The following PCLO variants were observed in gnomAD, a reference collection of about 807,000 sequenced individuals.
The protein encoded by PCLO is piccolo presynaptic cytomatrix protein.
In PCLO, 82 loss-of-function variants were observed where a neutral mutation model predicts 427.5. The observed-to-expected ratio is 0.19, with a 90% CI of 0.16 to 0.23. The LOEUF is 0.23. Ranked by LOEUF, PCLO falls within the 10% of genes least tolerant of loss-of-function variation. PCLO has a pLI of 1.00. For missense variants in PCLO, 6,239 were observed against 6,115.9 expected, an observed-to-expected ratio of 1.02 and a Z score of -0.67; for synonymous variants, 2,357 against 2,155.4, an observed-to-expected ratio of 1.09 and a Z score of -2.59.
chr7:82,822,774 C>A, intron 19 of PCLO, 85 bp from the exon 20 acceptor site: 1 of 1,115,370 alleles, frequency 9.0e-7, no homozygotes, highest in South Asian at 1.3e-5. Context: ...TTGAAACTGC[C>A]TAAAATTTAT....
chr7:82,869,005 A>T (rs970841119), intron 10 of PCLO, among the ~76,000 whole-genome samples: 1 of 152,126 alleles, frequency 6.6e-6, no homozygotes, highest in Non-Finnish European at 1.5e-5. Context: ...TGAAGTTTTA[A>T]AAGTATCACG....
intron 10 of PCLO, among the ~76,000 whole-genome samples, chr7:82,869,221 T>A (rs1318326590): frequency 6.6e-6 from 1 of 152,132 alleles, no homozygotes; most frequent in Non-Finnish European, 1.5e-5. Context: ...GATATAATAT[T>A]GGCATAAATT....
intron 3 of PCLO, among the ~76,000 whole-genome samples, chr7:83,082,342 C>A (rs891395567): frequency 6.6e-6 from 1 of 151,246 alleles, no homozygotes; most frequent in Non-Finnish European, 1.5e-5. Flanking sequence ...AAATGGATAA[C>A]CATAGATGAG....
rs751094351 is a variant in PCLO at position 82,956,228 on chromosome 7, A to G, written c.4725T>C (p.Asp1575=). ...CTTTGAGCTGGTTTCTGATGAACTC[A>G]TCATCTTCAGAACCTGAAGCATCTT... is the stretch of plus-strand genomic sequence containing the variant. The part of the protein sequence containing the change: ...ADEDASGSED[D]EFIRNQLKEI... The change falls in exon 5 of 25, where the codon GAT becomes GAC. Residue 1575 remains aspartate, a synonymous_variant. Transcript: ENST00000333891. 3.1e-6 allele frequency: 5 copies of G among 1,610,906 alleles called. No individual in the cohort carries two copies. The highest frequency in any genetic ancestry group is 1.7e-5 in the Admixed American group (1 of 59,996).
At chr7:83,063,234 A>C (rs1288836402) in intron 3 of PCLO, among the ~76,000 whole-genome samples, 2 of 152,118 alleles carry the variant, frequency 1.3e-5, no homozygotes, top group Admixed American at 6.6e-5. Context: ...TCTTATAATT[A>C]CTACTGCATT....
At chr7:83,129,184 C>T (rs1015248155) in intron 3 of PCLO, among the ~76,000 whole-genome samples, 1 of 152,124 alleles carries the variant, frequency 6.6e-6, no homozygotes, top group African/African-American at 2.4e-5. Flanking sequence ...TTCTCCTAAT[C>T]TCTAAAATAC....
chr7:82,890,522 T>G (rs61484342), intron 9 of PCLO, among the ~76,000 whole-genome samples: 5,084 of 151,970 alleles, frequency 0.033, 298 homozygotes, highest in African/African-American at 0.11. Flanking sequence ...TAGCCCTTAT[T>G]TGTTGTGACT....
chr7:82,772,858 G>A (rs951004008), intron 22 of PCLO, among the ~76,000 whole-genome samples: 1 of 151,978 alleles, frequency 6.6e-6, no homozygotes, highest in African/African-American at 2.4e-5. Flanking sequence ...TATTTTATAG[G>A]AGACAACAAC....
chr7:82,887,184 T>A (rs1237864755), intron 9 of PCLO, among the ~76,000 whole-genome samples: 1 of 152,130 alleles, frequency 6.6e-6, no homozygotes, highest in Non-Finnish European at 1.5e-5. Flanking sequence ...ACAAAGCAGC[T>A]GAGACTGCTA....
intron 2 of PCLO, among the ~76,000 whole-genome samples, chr7:83,144,606 T>C (rs984347734): frequency 6.6e-6 from 1 of 152,166 alleles, no homozygotes. Flanking sequence ...AAAAATCTCA[T>C]TTTAAAATTA....
Position 83,039,680 on chromosome 7 carries a change from C to A in PCLO, c.3301-73193G>T, listed in dbSNP as rs545016737. Among the ~76,000 whole-genome samples the A allele has an allele frequency of 3.3e-5, 5 of 152,160 alleles. No individual in the cohort carries two copies. The East Asian group carries it at 9.7e-4, about 29-fold the overall frequency. On this transcript the variant is annotated intron_variant, in intron 3 of 24. Coordinates refer to ENST00000333891, the MANE Select transcript of PCLO (RefSeq NM_033026.6). ...TCAAGCTCATTTTGGATAATCTGGG[C>A]CCCTTGTAATTCCATATAAATTTTA...
At chr7:82,884,150 C>A (rs1391387239) in intron 9 of PCLO, among the ~76,000 whole-genome samples, 2 of 152,112 alleles carry the variant, frequency 1.3e-5, no homozygotes, top group Non-Finnish European at 2.9e-5. Flanking sequence ...CATGAACTTG[C>A]ATTCACACCT....
At chr7:83,066,641 G>A (rs983801941) in intron 3 of PCLO, among the ~76,000 whole-genome samples, 4 of 152,006 alleles carry the variant, frequency 2.6e-5, no homozygotes, top group Non-Finnish European at 4.4e-5. Flanking sequence ...TAGACTTCTG[G>A]TGGGTTTAGA....
At chr7:83,121,152 CAAAAAACT>C (rs1562973820) in intron 3 of PCLO, among the ~76,000 whole-genome samples, 14 of 111,632 alleles carry the variant, frequency 1.3e-4, no homozygotes, top group East Asian at 3.8e-4. Context: ...AACAAACAAA[CAAAAAACT>C]TTTGTAAAGA....
At chr7:83,065,089 G>A (rs1344001919) in intron 3 of PCLO, among the ~76,000 whole-genome samples, 1 of 151,464 alleles carries the variant, frequency 6.6e-6, no homozygotes, top group Admixed American at 6.6e-5. Flanking sequence ...TAAGTGGAAA[G>A]GAATAATTTT....
chr7:83,151,236 C>T (rs1297981681), intron 2 of PCLO, among the ~76,000 whole-genome samples: 1 of 152,134 alleles, frequency 6.6e-6, no homozygotes, highest in Non-Finnish European at 1.5e-5. Context: ...GAAACGATAT[C>T]ACTAATACTG....
intron 14 of PCLO, among the ~76,000 whole-genome samples, chr7:82,840,255 C>T (rs1172156176): frequency 6.6e-6 from 1 of 152,010 alleles, no homozygotes; most frequent in Non-Finnish European, 1.5e-5. Context: ...GTACAGAGGT[C>T]ATCAGGGTAG....
At chr7:83,029,292 T>C (rs1315452037) in intron 3 of PCLO, among the ~76,000 whole-genome samples, 1 of 148,916 alleles carries the variant, frequency 6.7e-6, no homozygotes, top group Non-Finnish European at 1.5e-5. Flanking sequence ...CATCAAAAAG[T>C]GGGCAAAGGA....
At chr7:83,120,595 G>A (rs745991456) in intron 3 of PCLO, among the ~76,000 whole-genome samples, 1 of 151,732 alleles carries the variant, frequency 6.6e-6, no homozygotes, top group Non-Finnish European at 1.5e-5. Context: ...AAAACAGCAA[G>A]AAAAAAGAAG....
Sources: gnomAD v4.1 joint callset for allele counts (sites outside exome capture counted in the v4.1 genomes callset) on GRCh38, gnomAD v4.1.1 for gene constraint, MANE v1.5 for transcripts, NCBI Gene and HGNC (gene_info 2026-07-23, HGNC 2026-07-21) for gene names.